TET1: variants seen among roughly 807,000 people sequenced by gnomAD.
TET1 encodes the protein tet methylcytosine dioxygenase 1.
Under a neutral mutation model 148.7 loss-of-function variants are expected in TET1, and 13 were observed. The ratio of observed to expected loss-of-function variants is 0.09; its 90% CI spans 0.06 to 0.14. TET1 has a LOEUF of 0.14. Ranked by LOEUF, TET1 falls within the 10% of genes least tolerant of loss-of-function variation. The probability of loss-of-function intolerance (pLI) is 1.00; values close to 1 mark genes in which losing one functional copy is unlikely to be tolerated. For missense variants in TET1, 2,182 were observed against 2,553.8 expected (o/e 0.85, Z 3.14); for synonymous variants, 907 against 937.2 (o/e 0.97, Z 0.59).
At position 68,644,711 on chromosome 10, in the gene TET1, A is replaced by G. The variant is rs748947978; in HGVS notation, c.1982A>G (p.Asn661Ser). The change falls in exon 4 of 12, where the codon AAC (asparagine) becomes AGC (serine). Residue 661 changes from asparagine (N) to serine (S), a missense_variant. By Grantham distance (46) the Asn-to-Ser change is conservative. Transcript: ENST00000373644. The part of the protein sequence containing the change: ...KPKVLKADFD[N>S]KPVNGPKSES... Reference sequence around the variant, plus strand: ...TGTATTTTACAGGCAGATTTTGACAACAAACCAGTAAATGGCCCCAAGTCA... The same window carrying G: ...TGTATTTTACAGGCAGATTTTGACAGCAAACCAGTAAATGGCCCCAAGTCA... 1.3e-6 allele frequency: 2 copies of G among 1,565,398 alleles called. No individual in the cohort carries two copies. The highest frequency in any genetic ancestry group is 1.7e-6 in the Non-Finnish European group (2 of 1,159,248).
chr10:68,654,956 C>T (rs926764862), intron 6 of TET1, among the ~76,000 whole-genome samples: 1 of 152,262 alleles, frequency 6.6e-6, no homozygotes, highest in South Asian at 2.1e-4. Flanking sequence ...AGTTCCTCCT[C>T]ATCTTAAATG....
chr10:68,581,557 A>T (rs1181414557), intron 2 of TET1, among the ~76,000 whole-genome samples: 1 of 152,180 alleles, frequency 6.6e-6, no homozygotes, highest in East Asian at 1.9e-4. Context: ...AGAAAACAAA[A>T]TTGGCCATGG....
At position 68,605,229 on chromosome 10, in the gene TET1, T is replaced by C. The variant is rs191273784; in HGVS notation, c.1968+4195T>C. On this transcript the variant is annotated intron_variant, in intron 3 of 11. Coordinates refer to ENST00000373644, the MANE Select transcript of TET1 (RefSeq NM_030625.3). Reference sequence around the variant, plus strand: ...GGCTCAGGCCTGTAATCCCAACACATTGGGAGGCTGAGGCGGGCAGATCAC... The same window carrying C: ...GGCTCAGGCCTGTAATCCCAACACACTGGGAGGCTGAGGCGGGCAGATCAC... Among the ~76,000 whole-genome samples, 126 of 152,228 alleles carry C rather than the reference T, an allele frequency of 8.3e-4. 1 individual carries two copies. The highest frequency in any genetic ancestry group is 2.9e-3 in the African/African-American group (121 of 41,532).
At chr10:68,632,182 C>T (rs2054582713) in intron 3 of TET1, among the ~76,000 whole-genome samples, 1 of 151,728 alleles carries the variant, frequency 6.6e-6, no homozygotes, top group Non-Finnish European at 1.5e-5. Context: ...ATTAGCGGGG[C>T]GTGGTGGCGG....
chr10:68,692,000 G>T lies in TET1; in HGVS notation c.*186G>T. On this transcript the variant is annotated 3_prime_UTR_variant, in exon 12 of 12. Coordinates refer to ENST00000373644, the MANE Select transcript of TET1 (RefSeq NM_030625.3). This position sits in a 1 kb window ranked among gnomAD's most constrained non-coding sequence, Gnocchi z 4.4. The stretch of plus-strand genomic sequence containing the variant: ...TGTGACTATATTTTGACAATTGGTA[G>T]AAGGTGCACATTTTAAGCAAAAATA... 1 of 644,210 alleles carries T rather than the reference G, an allele frequency of 1.6e-6. No homozygotes were observed. The highest frequency in any genetic ancestry group is 2.8e-5 in the East Asian group (1 of 36,140). 39.9% of individuals were successfully genotyped at this position (644,210 alleles called of 1,614,324 possible). A position where few individuals can be genotyped will look rare whatever the true frequency, so the allele number is the denominator to read the frequency against.
At chr10:68,684,444 T>C (rs1211023551) in intron 10 of TET1, among the ~76,000 whole-genome samples, 2 of 152,052 alleles carry the variant, frequency 1.3e-5, no homozygotes, top group East Asian at 3.8e-4. Context: ...AGACCAATGT[T>C]ATTTCTAAGT....
intron 6 of TET1, among the ~76,000 whole-genome samples, chr10:68,654,543 C>T (rs770503788): frequency 2.0e-5 from 3 of 152,072 alleles, no homozygotes; most frequent in Middle Eastern, 3.4e-3. Flanking sequence ...CTTGAACCCC[C>T]GAGGTGGAGG....
intron 8 of TET1, chr10:68,673,293 C>T (rs2055299329): frequency 4.0e-6 from 1 of 247,224 alleles, no homozygotes; most frequent in Admixed American, 5.3e-5. Flanking sequence ...TCTACTACCC[C>T]ACCCCAGCAA....
At position 68,591,906 on chromosome 10, in the gene TET1, AAAACAAAC is replaced by A. The variant is rs371466447; in HGVS notation, c.1915-9051_1915-9044del. Among the ~76,000 whole-genome samples the A allele has an allele frequency of 1.2e-3, 176 of 151,630 alleles. No homozygotes were observed. In the East Asian group the frequency reaches 0.015, roughly 13 times the overall value. ...GGTGACAGAGCAAGACTCCCTCTCA[AAAACAAAC>A]AAACAAACAAACAAACAAACAAAAA... On this transcript the variant is annotated intron_variant, in intron 2 of 11. Transcript: ENST00000373644.
At chr10:68,581,836 C>CA (rs35620494) in intron 2 of TET1, among the ~76,000 whole-genome samples, 26,214 of 129,792 alleles carry the variant, frequency 0.2, 2,391 homozygotes, top group South Asian at 0.28. Context: ...GACCGTGTCT[C>CA]AAAAAAAAAA....
chr10:68,602,873 A>AT (rs35299389), intron 3 of TET1, among the ~76,000 whole-genome samples: 6 of 151,546 alleles, frequency 4.0e-5, no homozygotes, highest in South Asian at 4.1e-4. Flanking sequence ...GTTAGACATA[A>AT]TTTTTTTTCT....
At chr10:68,639,745 C>G (rs1050630496) in intron 3 of TET1, among the ~76,000 whole-genome samples, 1 of 152,036 alleles carries the variant, frequency 6.6e-6, no homozygotes, top group African/African-American at 2.4e-5. Context: ...GGAATACAGG[C>G]GTGAGCCACC....
At chr10:68,657,658 T>G (rs1255145831) in intron 6 of TET1, among the ~76,000 whole-genome samples, 2 of 152,162 alleles carry the variant, frequency 1.3e-5, no homozygotes, top group Non-Finnish European at 2.9e-5. Context: ...TTGAGTATCT[T>G]GAATTTGAAT....
chr10:68,580,803 A>ATAT (rs1257248698), intron 2 of TET1, among the ~76,000 whole-genome samples: 78 of 120,336 alleles, frequency 6.5e-4, no homozygotes, highest in African/African-American at 2.5e-3. Flanking sequence ...AAAAAAAAAA[A>ATAT]AAATATATAT....
At position 68,693,402 on chromosome 10, in the gene TET1, T is replaced by TA. The variant is rs1641552494; in HGVS notation, c.*1589dup. 1 of 233,226 alleles carries TA rather than the reference T, an allele frequency of 4.3e-6. No individual in the cohort carries two copies. The highest frequency in any genetic ancestry group is 5.6e-5 in the Admixed American group (1 of 17,762). 14.4% of individuals were successfully genotyped at this position (233,226 alleles called of 1,614,324 possible). A position where few individuals can be genotyped will look rare whatever the true frequency, so the allele number is the denominator to read the frequency against. On this transcript the variant is annotated 3_prime_UTR_variant, in exon 12 of 12. Coordinates refer to ENST00000373644, the MANE Select transcript of TET1 (RefSeq NM_030625.3). ...TAGGAAGCCCACAACCGCTAACACT[T>TA]ACAATTTTGGTGCAAAAGCAAACAG... is the stretch of plus-strand genomic sequence containing the variant.
intron 3 of TET1, among the ~76,000 whole-genome samples, chr10:68,639,608 A>G (rs1050565806): frequency 9.2e-5 from 14 of 152,022 alleles, no homozygotes; most frequent in Non-Finnish European, 1.5e-4. Context: ...AGATGGGACT[A>G]TAGGCGTGCA....
chr10:68,630,025 C>T lies in TET1; in HGVS notation c.1969-14673C>T, dbSNP rs192783853. Among the ~76,000 whole-genome samples the T allele has an allele frequency of 8.5e-5, 13 of 152,212 alleles. No individual in the cohort carries two copies. The East Asian group carries it at 2.1e-3, about 25-fold the overall frequency. ...CAGAACAACCACTAGAGTGTAATCTCCATAAATCTGGTATCTTTTTTTATT... is the reference window on the plus strand; with the variant it reads ...CAGAACAACCACTAGAGTGTAATCTTCATAAATCTGGTATCTTTTTTTATT... On this transcript the variant is annotated intron_variant, in intron 3 of 11. Transcript: ENST00000373644.
chr10:68,647,840 G>A (rs1038937270), intron 4 of TET1, among the ~76,000 whole-genome samples: 1 of 152,094 alleles, frequency 6.6e-6, no homozygotes, highest in Non-Finnish European at 1.5e-5. Flanking sequence ...AGTGTCTAGT[G>A]CTTTTACGCT....
Position 68,692,062 on chromosome 10 carries a change from C to T in TET1, c.*248C>T, listed in dbSNP as rs947824384. ...GTTTTAAATACATAAAGAAATGTTT[C>T]AGTTAGGCATTAACCTTGATAGAAT... On this transcript the variant is annotated 3_prime_UTR_variant, in exon 12 of 12. Transcript: ENST00000373644. The T allele has an allele frequency of 8.7e-6, 4 of 459,176 alleles. No individual in the cohort carries two copies. Among genetic ancestry groups the T allele is most frequent in the African/African-American group, 1.9e-5 (1 of 51,348 alleles). 28.4% of individuals were successfully genotyped at this position (459,176 alleles called of 1,614,324 possible). A position where few individuals can be genotyped will look rare whatever the true frequency, so the allele number is the denominator to read the frequency against.
Sources: gnomAD v4.1 joint callset for allele counts (sites outside exome capture counted in the v4.1 genomes callset) on GRCh38, gnomAD v4.1.1 for gene constraint, Gnocchi (gnomAD v3.1) non-coding constraint, MANE v1.5 for transcripts, NCBI Gene and HGNC (gene_info 2026-07-23, HGNC 2026-07-21) for gene names.